Variants in ACYP2 observed in about 807,000 individuals in gnomAD.
The protein encoded by ACYP2 is acylphosphatase 2, also known as acylphosphatase-2.
ACYP2 carries 12 observed loss-of-function variants against 11.2 expected under a neutral mutation model. The ratio of observed to expected loss-of-function variants is 1.08; its 90% CI spans 0.69 to 1.74. The LOEUF is 1.74. ACYP2 is among the 40% of genes most tolerant of loss of function. The pLI, the probability that ACYP2 is intolerant of heterozygous loss-of-function variation, is 0.00. For synonymous variants in ACYP2, 43 were observed against 32.2 expected (o/e 1.33, Z -1.13); for missense variants, 134 against 101.9 (o/e 1.31, Z -1.35).
chr2:54,260,796 C>A (rs551922801), intron 6 of ACYP2, among the ~76,000 whole-genome samples: 2 of 152,186 alleles, frequency 1.3e-5, no homozygotes, highest in East Asian at 1.9e-4. Flanking sequence ...AATGAGCCAA[C>A]AGGCCAGGAT....
intron 2 of ACYP2, among the ~76,000 whole-genome samples, chr2:54,046,837 A>G (rs1384166172): frequency 6.6e-6 from 1 of 152,218 alleles, no homozygotes; most frequent in Non-Finnish European, 1.5e-5. Context: ...TTCAAATTAT[A>G]TAGCCAATCC....
chr2:54,077,965 T>C (rs1323044395), intron 4 of ACYP2, among the ~76,000 whole-genome samples: 1 of 139,440 alleles, frequency 7.2e-6, no homozygotes, highest in African/African-American at 2.5e-5. Context: ...CTTTCTTTTC[T>C]TTCTTTCTTT....
At chr2:54,113,162 G>A (rs962346012) in intron 4 of ACYP2, among the ~76,000 whole-genome samples, 1 of 151,802 alleles carries the variant, frequency 6.6e-6, no homozygotes, top group Non-Finnish European at 1.5e-5. Flanking sequence ...TACCTAATGC[G>A]ATGTAAATGC....
chr2:54,187,734 C>G (rs1039113007), intron 6 of ACYP2, among the ~76,000 whole-genome samples: 1 of 152,140 alleles, frequency 6.6e-6, no homozygotes, highest in Admixed American at 6.5e-5. Flanking sequence ...AGAGAAGAGG[C>G]CTTCCACTGC....
intron 6 of ACYP2, among the ~76,000 whole-genome samples, chr2:54,139,087 A>G (rs1681447209): frequency 6.6e-6 from 1 of 152,224 alleles, no homozygotes; most frequent in African/African-American, 2.4e-5. Flanking sequence ...TGGGAGTAGC[A>G]TTTCTATGTT....
chr2:53,995,491 T>TATTG (rs1553350345), intron 2 of ACYP2, among the ~76,000 whole-genome samples: 1 of 141,692 alleles, frequency 7.1e-6, no homozygotes, highest in Non-Finnish European at 1.5e-5. Flanking sequence ...ATTTATTTTT[T>TATTG]ATTTATTTAT....
intron 4 of ACYP2, chr2:54,082,463 C>T (rs1677716074): frequency 6.6e-6 from 1 of 152,132 alleles, no homozygotes; most frequent in Non-Finnish European, 1.5e-5. Context: ...CCAGGCTGGT[C>T]TGGAACTCCT....
intron 6 of ACYP2, among the ~76,000 whole-genome samples, chr2:54,222,310 G>A (rs1407395976): frequency 6.6e-6 from 1 of 152,088 alleles, no homozygotes; most frequent in Non-Finnish European, 1.5e-5. Flanking sequence ...AGCACTTTGG[G>A]AGGCCGAGGC....
intron 6 of ACYP2, among the ~76,000 whole-genome samples, chr2:54,261,444 G>A (rs1034095371): frequency 1.3e-5 from 2 of 152,090 alleles, no homozygotes; most frequent in African/African-American, 2.4e-5. Flanking sequence ...AAGGAAGAAC[G>A]ATATGGCTTC....
intron 6 of ACYP2, among the ~76,000 whole-genome samples, chr2:54,184,703 G>A (rs182011133): frequency 1.3e-5 from 2 of 152,152 alleles, no homozygotes; most frequent in Non-Finnish European, 2.9e-5. Context: ...TATATGGGAA[G>A]ACAATTTACT....
intron 6 of ACYP2, among the ~76,000 whole-genome samples, chr2:54,177,614 G>C (rs1031727251): frequency 3.4e-5 from 4 of 118,862 alleles, no homozygotes; most frequent in African/African-American, 2.2e-4. Context: ...GTCTCACTCT[G>C]TCACCCAGGC....
intron 4 of ACYP2, among the ~76,000 whole-genome samples, chr2:54,112,718 C>T (rs1374658790): frequency 6.6e-5 from 10 of 152,130 alleles, no homozygotes; most frequent in Non-Finnish European, 1.3e-4. Context: ...TTACTTAAAA[C>T]ATATATTAGA....
At chr2:54,240,007 A>C (rs1686663446) in intron 6 of ACYP2, among the ~76,000 whole-genome samples, 2 of 152,244 alleles carry the variant, frequency 1.3e-5, no homozygotes, top group Non-Finnish European at 2.9e-5. Context: ...AGCATTACCC[A>C]GAAGGAATTG....
chr2:54,237,139 A>G (rs973783158), intron 6 of ACYP2, among the ~76,000 whole-genome samples: 1 of 152,208 alleles, frequency 6.6e-6, no homozygotes, highest in African/African-American at 2.4e-5. Context: ...ATATGCAAAT[A>G]CTATTCTGTC....
intron 3 of ACYP2, among the ~76,000 whole-genome samples, chr2:54,053,178 A>T (rs1675953686): frequency 6.6e-6 from 1 of 152,152 alleles, no homozygotes; most frequent in Non-Finnish European, 1.5e-5. Flanking sequence ...TGCCTTCTTC[A>T]GCTCTTTTCT....
chr2:54,280,169 A>G (rs775673292), intron 6 of ACYP2, among the ~76,000 whole-genome samples: 29 of 152,368 alleles, frequency 1.9e-4, no homozygotes, highest in Non-Finnish European at 2.9e-4. Context: ...CTTGACCTGC[A>G]TCCCTGGCAA....
chr2:54,206,828 T>G (rs10188489), intron 6 of ACYP2, among the ~76,000 whole-genome samples: 1 of 152,086 alleles, frequency 6.6e-6, no homozygotes, highest in Non-Finnish European at 1.5e-5. Context: ...CTTTCGTGGG[T>G]TCCATCCATA....
intron 6 of ACYP2, among the ~76,000 whole-genome samples, chr2:54,139,320 G>A (rs1163429537): frequency 6.6e-6 from 1 of 152,186 alleles, no homozygotes; most frequent in Non-Finnish European, 1.5e-5. Context: ...TTACAGTTAA[G>A]TGCTTTATTT....
At chr2:54,270,835 A>G (rs768794176) in intron 6 of ACYP2, among the ~76,000 whole-genome samples, 5 of 152,150 alleles carry the variant, frequency 3.3e-5, no homozygotes, top group African/African-American at 9.7e-5. Context: ...GTTAGTGTGG[A>G]ATTTCAATAT....
Sources: gnomAD v4.1 joint callset for allele counts (sites outside exome capture counted in the v4.1 genomes callset) on GRCh38, gnomAD v4.1.1 for gene constraint, MANE v1.5 for transcripts, NCBI Gene and HGNC (gene_info 2026-07-23, HGNC 2026-07-21) for gene names.